The following ANTXR2 variants were observed in gnomAD, a reference collection of about 807,000 sequenced individuals.
The protein encoded by ANTXR2 is anthrax toxin receptor 2.
ANTXR2 carries 44 observed loss-of-function variants against 73.7 expected under a neutral mutation model. The observed-to-expected ratio is 0.60, with a 90% CI of 0.47 to 0.77. The LOEUF is 0.77. Ranked by LOEUF, ANTXR2 falls within the 30% of genes least tolerant of loss-of-function variation. The pLI is 0.00. For synonymous variants in ANTXR2, 217 were observed against 205.9 expected (o/e 1.05, Z -0.46); for missense variants, 604 against 592.5 (o/e 1.02, Z -0.20).
chr4:80,044,616 T>C (rs560925248), intron 7 of ANTXR2, among the ~76,000 whole-genome samples: 1 of 152,032 alleles, frequency 6.6e-6, no homozygotes, highest in East Asian at 1.9e-4. Flanking sequence ...ACCTTAGGAC[T>C]TGAAGATCAA....
chr4:79,946,130 G>C (rs1042817725), intron 16 of ANTXR2, among the ~76,000 whole-genome samples: 1 of 151,898 alleles, frequency 6.6e-6, no homozygotes, highest in Admixed American at 6.6e-5. Flanking sequence ...GTTATATAAC[G>C]ATCCCCATTT....
intron 7 of ANTXR2, among the ~76,000 whole-genome samples, chr4:80,052,880 T>C (rs973987729): frequency 6.6e-6 from 1 of 151,584 alleles, no homozygotes; most frequent in Admixed American, 6.6e-5. Flanking sequence ...ACTCAGCTAC[T>C]AATTCCTTGA....
intron 10 of ANTXR2, among the ~76,000 whole-genome samples, chr4:80,019,884 G>A (rs1017159282): frequency 2.0e-5 from 3 of 152,014 alleles, no homozygotes; most frequent in Non-Finnish European, 4.4e-5. Context: ...TATAAAACAA[G>A]TAATAATCAT....
chr4:79,918,618 A>C (rs1727447754), intron 16 of ANTXR2, among the ~76,000 whole-genome samples: 1 of 152,144 alleles, frequency 6.6e-6, no homozygotes, highest in Admixed American at 6.6e-5. Flanking sequence ...ATACCCTTTA[A>C]AACTAAAGAC....
chr4:80,029,589 A>T (rs1732594977), intron 10 of ANTXR2, among the ~76,000 whole-genome samples: 1 of 152,088 alleles, frequency 6.6e-6, no homozygotes, highest in African/African-American at 2.4e-5. Flanking sequence ...AACGTGTCCT[A>T]GCAGGAAGTA....
Position 79,904,714 on chromosome 4 carries a change from C to T in ANTXR2, c.*2715G>A, listed in dbSNP as rs963585940. 4.6e-5 allele frequency: 7 copies of T among 152,078 alleles called. No homozygotes were observed. Among genetic ancestry groups the T allele is most frequent in the Admixed American group, 3.9e-4 (6 of 15,250 alleles). 9.4% of individuals were successfully genotyped at this position (152,078 alleles called of 1,614,324 possible). Reference sequence around the variant, plus strand: ...ATTGTTTTTGCAACCTTATGCAACACGAATGGATTATGTGCAAGACTTATT... The same window carrying T: ...ATTGTTTTTGCAACCTTATGCAACATGAATGGATTATGTGCAAGACTTATT... On this transcript the variant is annotated 3_prime_UTR_variant, in exon 17 of 17. Transcript: ENST00000403729.
intron 16 of ANTXR2, among the ~76,000 whole-genome samples, chr4:79,957,103 T>C (rs72871890): frequency 0.11 from 16,099 of 151,986 alleles, 2,766 homozygotes; most frequent in African/African-American, 0.36. Context: ...TGAAAGACTA[T>C]CTACAAAGGC....
rs1226448243 is a variant in ANTXR2 at position 79,904,507 on chromosome 4, T to C, written c.*2922A>G. The C allele has an allele frequency of 1.3e-5, 2 of 152,086 alleles. No homozygotes were observed. The highest frequency in any genetic ancestry group is 4.8e-5 in the African/African-American group (2 of 41,440). 9.4% of individuals were successfully genotyped at this position (152,086 alleles called of 1,614,324 possible). On this transcript the variant is annotated 3_prime_UTR_variant, in exon 17 of 17. Coordinates refer to ENST00000403729, the MANE Select transcript of ANTXR2 (RefSeq NM_058172.6). ...GTGCTGCAACTCTTAGCACCAAATG[T>C]TTTTTCTTGGAGCACCAAATGCTCT...
intron 12 of ANTXR2, among the ~76,000 whole-genome samples, chr4:80,002,041 C>T (rs945181823): frequency 1.4e-4 from 22 of 152,026 alleles, no homozygotes; most frequent in African/African-American, 5.1e-4. Context: ...ACTTTCTTCA[C>T]AGAATTGGAA....
chr4:79,986,319 T>C (rs1349919503), intron 12 of ANTXR2, among the ~76,000 whole-genome samples: 1 of 152,200 alleles, frequency 6.6e-6, no homozygotes, highest in African/African-American at 2.4e-5. Flanking sequence ...ATGTGTCAAC[T>C]ATGCTATTAA....
At chr4:79,985,569 G>A (rs975392112) in intron 12 of ANTXR2, among the ~76,000 whole-genome samples, 1 of 152,008 alleles carries the variant, frequency 6.6e-6, no homozygotes, top group Non-Finnish European at 1.5e-5. Flanking sequence ...AGAGACACCA[G>A]CTGATCCCCA....
At chr4:79,918,610 A>G (rs1317831316) in intron 16 of ANTXR2, among the ~76,000 whole-genome samples, 1 of 152,142 alleles carries the variant, frequency 6.6e-6, no homozygotes, top group Non-Finnish European at 1.5e-5. Context: ...CAGAGAAAAT[A>G]CCCTTTAAAA....
intron 10 of ANTXR2, among the ~76,000 whole-genome samples, chr4:80,019,372 A>G (rs1368550282): frequency 6.6e-6 from 1 of 152,234 alleles, no homozygotes; most frequent in African/African-American, 2.4e-5. Context: ...CAGTCTCAAA[A>G]AAAAGGAAAG....
intron 16 of ANTXR2, among the ~76,000 whole-genome samples, chr4:79,950,678 A>G (rs1728671135): frequency 6.6e-6 from 1 of 152,206 alleles, no homozygotes; most frequent in Non-Finnish European, 1.5e-5. Context: ...GAGAGAAAAT[A>G]TTCATTATTA....
At chr4:80,067,890 T>C (rs915625418) in intron 3 of ANTXR2, among the ~76,000 whole-genome samples, 1 of 152,190 alleles carries the variant, frequency 6.6e-6, no homozygotes. Flanking sequence ...AGCTAATGCA[T>C]GTGATGGGTT....
intron 12 of ANTXR2, among the ~76,000 whole-genome samples, chr4:80,007,255 G>A (rs190762478): frequency 1.5e-3 from 227 of 152,218 alleles, no homozygotes; most frequent in Non-Finnish European, 2.4e-3. Context: ...TGAGAGCGGC[G>A]GGAAAAGGCA....
rs372222810 is a variant in ANTXR2 at position 79,988,129 on chromosome 4, T to C, written c.1042-3266A>G. Among the ~76,000 whole-genome samples the C allele has an allele frequency of 4.5e-3, 677 of 150,540 alleles. 10 individuals are homozygous for C. Among genetic ancestry groups the C allele is most frequent in the African/African-American group, 0.016 (642 of 41,032 alleles). Reference sequence around the variant, plus strand: ...TATCAATATTGACCTTGAAGATAAATGGGCTAAGTGTCCAACTTAAAAGGT... The same window carrying C: ...TATCAATATTGACCTTGAAGATAAACGGGCTAAGTGTCCAACTTAAAAGGT... On this transcript the variant is annotated intron_variant, in intron 12 of 16. Transcript: ENST00000403729.
intron 3 of ANTXR2, among the ~76,000 whole-genome samples, chr4:80,063,499 A>C (rs1157206990): frequency 6.6e-6 from 1 of 152,058 alleles, no homozygotes; most frequent in African/African-American, 2.4e-5. Context: ...ATATAAATTA[A>C]AATTGTGAAG....
intron 10 of ANTXR2, 98 bp from the exon 11 acceptor site, chr4:80,019,074 T>A: frequency 1.2e-6 from 1 of 804,826 alleles, no homozygotes; most frequent in Non-Finnish European, 1.8e-6. Context: ...CCAGAAAACA[T>A]ACTTAAAGAG....
Sources: gnomAD v4.1 joint callset for allele counts (sites outside exome capture counted in the v4.1 genomes callset) on GRCh38, gnomAD v4.1.1 for gene constraint, MANE v1.5 for transcripts, NCBI Gene and HGNC (gene_info 2026-07-23, HGNC 2026-07-21) for gene names.